The following ATP8A2 variants were observed in gnomAD, a reference collection of about 807,000 sequenced individuals.
ATP8A2 encodes ATPase phospholipid transporting 8A2, also known as phospholipid-transporting ATPase IB.
Under a neutral mutation model 165.6 loss-of-function variants are expected in ATP8A2, and 100 were observed. That is an observed-to-expected ratio of 0.60 (90% CI 0.51 to 0.71). The LOEUF is 0.71. Ranked by LOEUF, ATP8A2 falls within the 30% of genes least tolerant of loss-of-function variation. The pLI is 0.00. For synonymous variants in ATP8A2, 543 were observed against 548.8 expected, an observed-to-expected ratio of 0.99 and a Z score of 0.15; for missense variants, 1,227 against 1,479.5, an observed-to-expected ratio of 0.83 and a Z score of 2.80.
intron 6 of ATP8A2, among the ~76,000 whole-genome samples, chr13:25,533,541 C>G (rs992210894): frequency 1.3e-5 from 2 of 152,204 alleles, no homozygotes; most frequent in Non-Finnish European, 2.9e-5. Context: ...TCTGAAATCT[C>G]AAAGTATTTT....
chr13:25,495,624 CTTTTTTTT>C (rs11369713), intron 2 of ATP8A2, among the ~76,000 whole-genome samples: 5 of 88,244 alleles, frequency 5.7e-5, no homozygotes, highest in African/African-American at 1.7e-4. Flanking sequence ...GCATGCCTTG[CTTTTTTTT>C]TTTTTTTTTT....
At chr13:25,844,459 G>A (rs1452292443) in intron 30 of ATP8A2, among the ~76,000 whole-genome samples, 1 of 152,106 alleles carries the variant, frequency 6.6e-6, no homozygotes, top group African/African-American at 2.4e-5. Context: ...TCGAACTCCT[G>A]ACCTCGTGAT....
At chr13:25,400,322 C>T (rs903564688) in intron 1 of ATP8A2, among the ~76,000 whole-genome samples, 5 of 152,148 alleles carry the variant, frequency 3.3e-5, no homozygotes, top group Admixed American at 6.6e-5. Context: ...TTCTTTAGGT[C>T]ATATTAAAAG....
Position 25,564,827 on chromosome 13 carries a change from G to A in ATP8A2, c.1473+796G>A, listed in dbSNP as rs551589018. Among the ~76,000 whole-genome samples, 24 of 152,174 alleles carry A rather than the reference G, an allele frequency of 1.6e-4. No individual in the cohort carries two copies. In the South Asian group the frequency reaches 3.5e-3, roughly 22 times the overall value. On this transcript the variant is annotated intron_variant, in intron 16 of 36. Transcript: ENST00000381655. ...ACCCGTCACCTGAGCAGTATACACT[G>A]CACCATATTTGTAGTATTTTATCCC...
intron 33 of ATP8A2, among the ~76,000 whole-genome samples, chr13:25,925,392 G>T (rs1366211242): frequency 6.6e-6 from 1 of 152,052 alleles, no homozygotes; most frequent in African/African-American, 2.4e-5. Context: ...AAAGTAGCCG[G>T]GTGTGGTGGC....
At chr13:25,805,734 G>T (rs1363713188) in intron 27 of ATP8A2, among the ~76,000 whole-genome samples, 6 of 152,104 alleles carry the variant, frequency 3.9e-5, no homozygotes, top group Admixed American at 3.9e-4. Context: ...ATGGCACATG[G>T]CACTTAATTT....
intron 30 of ATP8A2, among the ~76,000 whole-genome samples, chr13:25,853,085 T>G (rs1458648355): frequency 6.6e-6 from 1 of 151,990 alleles, no homozygotes; most frequent in Non-Finnish European, 1.5e-5. Context: ...AGTGTTTATA[T>G]AAGATATTTT....
intron 25 of ATP8A2, among the ~76,000 whole-genome samples, chr13:25,701,587 A>G (rs1211471048): frequency 6.6e-6 from 1 of 152,156 alleles, no homozygotes; most frequent in Non-Finnish European, 1.5e-5. Flanking sequence ...CTGTAACCCA[A>G]TGCAAACACC....
intron 2 of ATP8A2, among the ~76,000 whole-genome samples, chr13:25,487,613 C>T (rs917252855): frequency 6.6e-6 from 1 of 151,724 alleles, no homozygotes; most frequent in Admixed American, 6.6e-5. Flanking sequence ...TTGGAATGTA[C>T]CACTTGGGTT....
chr13:25,862,595 T>A (rs556645448), intron 33 of ATP8A2, among the ~76,000 whole-genome samples, 187 bp downstream of exon 33: 1 of 152,260 alleles, frequency 6.6e-6, no homozygotes, highest in African/African-American at 2.4e-5. Flanking sequence ...GGTCATCCAG[T>A]CCACAGAAAA....
At chr13:25,531,183 A>G (rs1039971313) in intron 4 of ATP8A2, among the ~76,000 whole-genome samples, 6 of 137,018 alleles carry the variant, frequency 4.4e-5, no homozygotes, top group South Asian at 4.4e-4. Context: ...TGATATATAT[A>G]TGTTATATAT....
Position 25,769,139 on chromosome 13 carries a change from C to T in ATP8A2, c.2478C>T (p.Val826=), listed in dbSNP as rs374761586. 7.4e-6 allele frequency: 12 copies of T among 1,613,992 alleles called. No individual in the cohort carries two copies. Among genetic ancestry groups the T allele is most frequent in the South Asian group, 1.1e-5 (1 of 91,090 alleles). The stretch of plus-strand genomic sequence containing the variant: ...CCATCGGAGACGGCGCCAACGATGT[C>T]GGGATGATCCAGACAGCCCACGTGG... ...TLAIGDGAND[V]GMIQTAHVGV... Residue 826 remains valine, a synonymous_variant, in exon 26 of 37, where the codon GTC becomes GTT. Transcript: ENST00000381655.
At chr13:25,384,009 A>G (rs1352953334) in intron 1 of ATP8A2, among the ~76,000 whole-genome samples, 1 of 152,136 alleles carries the variant, frequency 6.6e-6, no homozygotes, top group East Asian at 1.9e-4. Context: ...TTTAGGGAGC[A>G]TCTGTGAGTG....
chr13:25,900,203 T>C (rs1346884613), intron 33 of ATP8A2, among the ~76,000 whole-genome samples: 2 of 152,090 alleles, frequency 1.3e-5, no homozygotes, highest in African/African-American at 4.8e-5. Flanking sequence ...TAATGAGCTA[T>C]AGGAGGAGTC....
At chr13:25,754,884 T>C (rs2044229253) in intron 25 of ATP8A2, among the ~76,000 whole-genome samples, 1 of 152,138 alleles carries the variant, frequency 6.6e-6, no homozygotes, top group Non-Finnish European at 1.5e-5. Flanking sequence ...TACATAGGCT[T>C]TTTCAAAATT....
intron 25 of ATP8A2, chr13:25,705,348 A>G (rs1593225883): frequency 5.4e-6 from 1 of 184,064 alleles, no homozygotes; most frequent in East Asian, 1.8e-4. Context: ...TCCCCAGCAA[A>G]TACAGGTGAC....
chr13:25,671,766 G>T (rs1193377094), intron 24 of ATP8A2, among the ~76,000 whole-genome samples: 1 of 152,196 alleles, frequency 6.6e-6, no homozygotes. Context: ...TTTTGCCTCG[G>T]TCCTGTGGTC....
intron 24 of ATP8A2, among the ~76,000 whole-genome samples, chr13:25,670,378 G>T (rs55768945): frequency 1.3e-5 from 2 of 152,084 alleles, no homozygotes; most frequent in Non-Finnish European, 2.9e-5. Flanking sequence ...CTCTTGCCCT[G>T]GTGTTGAGCC....
chr13:25,666,577 T>C lies in ATP8A2; in HGVS notation c.2212-32596T>C, dbSNP rs534555243. On this transcript the variant is annotated intron_variant, in intron 24 of 36. Coordinates refer to ENST00000381655, the MANE Select transcript of ATP8A2 (RefSeq NM_016529.6). The stretch of plus-strand genomic sequence containing the variant: ...TTTAAATGAATGATTCCAAGCTAAG[T>C]TTTGCTATTGGAAATATAGGAGTTA... Among the ~76,000 whole-genome samples, 6 of 152,240 alleles carry C rather than the reference T, an allele frequency of 3.9e-5. No homozygotes were observed. In the East Asian group the frequency reaches 1.2e-3, roughly 29 times the overall value.
Sources: gnomAD v4.1 joint callset for allele counts (sites outside exome capture counted in the v4.1 genomes callset) on GRCh38, gnomAD v4.1.1 for gene constraint, MANE v1.5 for transcripts, NCBI Gene and HGNC (gene_info 2026-07-23, HGNC 2026-07-21) for gene names.